Variants in PLD4 observed in about 807,000 individuals in gnomAD.
The protein encoded by PLD4 is 5'-3' exonuclease PLD4.
A neutral mutation model predicts 52.3 loss-of-function variants in PLD4; 54 were observed. The ratio of observed to expected loss-of-function variants is 1.03; its 90% CI spans 0.83 to 1.30. The LOEUF (loss-of-function observed/expected upper bound fraction) is 1.30, where lower values mean the gene tolerates loss of function less well. PLD4 is among the 50% of genes most tolerant of loss of function. The probability of loss-of-function intolerance (pLI) is 0.00; values close to 1 mark genes in which losing one functional copy is unlikely to be tolerated. For synonymous variants in PLD4, 264 were observed against 286.5 expected (o/e 0.92, Z 0.79); for missense variants, 731 against 671.1 (o/e 1.09, Z -0.99).
At position 104,932,658 on chromosome 14, in the gene PLD4, G is replaced by A. The variant is rs538206554; in HGVS notation, c.1322-107G>A. The stretch of plus-strand genomic sequence containing the variant: ...GCTGGAGTCTGATGACAGTGGAGGG[G>A]CCAGCTGCCAACCGTCCCCAAACCC... On this transcript the variant is annotated intron_variant, in intron 10 of 10. Transcript: ENST00000392593. This position sits in a 1 kb window ranked among gnomAD's most constrained non-coding sequence, Gnocchi z 6.5. 4,771 of 1,186,194 alleles carry A rather than the reference G, an allele frequency of 4.0e-3. 16 individuals are homozygous for A. The highest frequency in any genetic ancestry group is 5.0e-3 in the Non-Finnish European group (4,274 of 859,730). 73.5% of individuals were successfully genotyped at this position (1,186,194 alleles called of 1,614,324 possible). A position where few individuals can be genotyped will look rare whatever the true frequency, so the allele number is the denominator to read the frequency against.
Position 104,928,649 on chromosome 14 carries a change from G to C in PLD4, c.285-100G>C, listed in dbSNP as rs898413209. The C allele has an allele frequency of 6.9e-6, 9 of 1,302,502 alleles. No homozygotes were observed. The Admixed American group carries it at 1.8e-4, about 27-fold the overall frequency. The allele number at this position is 1,302,502 out of a possible 1,614,324, so 80.7% of individuals were successfully genotyped here. On this transcript the variant is annotated intron_variant, in intron 3 of 10. Coordinates refer to ENST00000392593, the MANE Select transcript of PLD4 (RefSeq NM_138790.5). ...TGGGCTCATCCCGGGGGCCACCTGAGCAACGGTTGCTCTGGCTTGGCAGTG... is the reference window on the plus strand; with the variant it reads ...TGGGCTCATCCCGGGGGCCACCTGACCAACGGTTGCTCTGGCTTGGCAGTG...
In PLD4 at chr14:104,930,813, C is replaced by T. The variant is rs1348593472; in HGVS notation, c.789C>T (p.Thr263=). The change falls in exon 7 of 11, where the codon ACC becomes ACT. Residue 263 remains threonine, a synonymous_variant. Coordinates refer to ENST00000392593, the MANE Select transcript of PLD4 (RefSeq NM_138790.5). The stretch of plus-strand genomic sequence containing the variant: ...AAGACCTGGAGAAGACCTTCCAGAC[C>T]TACTGGGTACTGGGGGTGCCCAAGG... ...LAQDLEKTFQ[T]YWVLGVPKAV... is the part of the protein sequence containing the mutation. 1.3e-5 allele frequency: 21 copies of T among 1,613,448 alleles called. No individual in the cohort carries two copies. The highest frequency in any genetic ancestry group is 1.8e-5 in the Non-Finnish European group (21 of 1,180,034).
rs1048652555 is a variant in PLD4, at chr14:104,930,161, C to G, written c.717+56C>G. 8.1e-6 allele frequency: 13 copies of G among 1,601,488 alleles called. No homozygotes were observed. The African/African-American group carries it at 1.2e-4, about 15-fold the overall frequency. On this transcript the variant is annotated intron_variant, in intron 6 of 10. Transcript: ENST00000392593. ...TGCCTGAAGCGTTTCCCCGCCTGCACTCCTGGGGACTTGGCCTGACATCTC... is the reference window on the plus strand; with the variant it reads ...TGCCTGAAGCGTTTCCCCGCCTGCAGTCCTGGGGACTTGGCCTGACATCTC...
chr14:104,931,971 G>A, intron 8 of PLD4, 41 bp from the exon 9 acceptor site: 2 of 1,536,146 alleles, frequency 1.3e-6, no homozygotes, highest in South Asian at 1.3e-5. Context: ...CCCCTATCGG[G>A]CCCGGCTTGT....
Position 104,932,375 on chromosome 14 carries a change from G to C in PLD4, c.1321+20G>C, listed in dbSNP as rs199965311. ...ACATAGGTGAGCGCGATCAGATCACGGCGGGCGGGCCCCAGGGTGGCCAGG... is the reference window on the plus strand; with the variant it reads ...ACATAGGTGAGCGCGATCAGATCACCGCGGGCGGGCCCCAGGGTGGCCAGG... On this transcript the variant is annotated intron_variant, in intron 10 of 10. Coordinates refer to ENST00000392593, the MANE Select transcript of PLD4 (RefSeq NM_138790.5). This position sits in a 1 kb window ranked among gnomAD's most constrained non-coding sequence, Gnocchi z 6.5. 1 of 1,610,724 alleles carries C rather than the reference G, an allele frequency of 6.2e-7. No individual in the cohort carries two copies. The highest frequency in any genetic ancestry group is 8.5e-7 in the Non-Finnish European group (1 of 1,178,504).
chr14:104,931,839 C>T lies in PLD4; in HGVS notation c.1010C>T (p.Ala337Val). ...GGGAGCGCCCAGGAGTTCATCTATG[C>T]CTCCGTGATGGAGTATTTCCCCACC... is the stretch of plus-strand genomic sequence containing the variant. ...VMGSAQEFIY[A>V]SVMEYFPTTR... The change falls in exon 8 of 11, where the codon GCC (alanine) becomes GTC (valine). Residue 337 changes from alanine (A) to valine (V), a missense_variant. Coordinates refer to ENST00000392593, the MANE Select transcript of PLD4 (RefSeq NM_138790.5). 6.4e-7 allele frequency: 1 copy of T among 1,565,136 alleles called. No homozygotes were observed. Among genetic ancestry groups the T allele is most frequent in the Non-Finnish European group, 8.7e-7 (1 of 1,154,098 alleles).
intron 7 of PLD4, 133 bp downstream of exon 7, chr14:104,931,075 G>A (rs949732219): frequency 9.8e-7 from 1 of 1,022,490 alleles, no homozygotes; most frequent in South Asian, 1.5e-5. Flanking sequence ...CCAGCACCAT[G>A]GGTGGGGCTG....
downstream of PLD4, chr14:104,934,564 A>C (rs1176919738): frequency 2.6e-5 from 4 of 152,298 alleles, no homozygotes; most frequent in East Asian, 7.7e-4. Flanking sequence ...GAGTTCAGGG[A>C]TGGCTCAGCG....
Position 104,931,900 on chromosome 14 carries a change from G to A in PLD4, c.1058+13G>A. 1 of 1,533,646 alleles carries A rather than the reference G, an allele frequency of 6.5e-7. No homozygotes were observed. ...GCCACCCCCCGAGGTAGGTCTGAGT[G>A]GGAGGTGGGCGGCCTGCTCTGCTGA... On this transcript the variant is annotated intron_variant, in intron 8 of 10. Transcript: ENST00000392593.
At position 104,926,390 on chromosome 14, in the gene PLD4, G is replaced by A. The variant is rs1288559557; in HGVS notation, c.1-751G>A. On this transcript the variant is annotated intron_variant, in intron 1 of 10. Transcript: ENST00000392593. ...CTGCTTGCTTTGGGGGTAGGAGTGGGGATGGGAGCCCACATCCCACAGGGC... is the reference window on the plus strand; with the variant it reads ...CTGCTTGCTTTGGGGGTAGGAGTGGAGATGGGAGCCCACATCCCACAGGGC... 6.6e-5 allele frequency among the ~76,000 whole-genome samples: 10 copies of A among 152,312 alleles called. No homozygotes were observed. The East Asian group carries it at 1.9e-3, about 29-fold the overall frequency.
At chr14:104,937,529 TG>T (rs1381236923), downstream of PLD4, 1 of 149,454 alleles carries the variant, frequency 6.7e-6, no homozygotes, top group African/African-American at 2.6e-5. Context: ...TCTTGAAACT[TG>T]CCATTAGTGA....
rs368089699 is a variant in PLD4, at chr14:104,931,640, C to T, written c.919-108C>T. On this transcript the variant is annotated intron_variant, in intron 7 of 10. Transcript: ENST00000392593. ...TTCCTCATATTTCCAGGCACCTGGG[C>T]CCCCTCCCTCCACACCACATGGGGC... 5.7e-6 allele frequency: 8 copies of T among 1,401,188 alleles called. No individual in the cohort carries two copies. In the African/African-American group the frequency reaches 8.9e-5, roughly 16 times the overall value. The allele number at this position is 1,401,188 out of a possible 1,614,324, so 86.8% of individuals were successfully genotyped here.
chr14:104,927,327 G>A, intron 2 of PLD4, 97 bp downstream of exon 2: 1 of 1,100,900 alleles, frequency 9.1e-7, no homozygotes, highest in Middle Eastern at 2.1e-4. Context: ...CCTTGAGGGG[G>A]CCTCCAAGCA....
Position 104,932,789 on chromosome 14 carries a change from AC to A in PLD4, c.1347del (p.Phe450SerfsTer112), listed in dbSNP as rs1897699900. 1 of 1,593,044 alleles carries A rather than the reference AC, an allele frequency of 6.3e-7. No individual in the cohort carries two copies. The highest frequency in any genetic ancestry group is 1.1e-5 in the South Asian group (1 of 88,754). On this transcript the variant is annotated frameshift_variant, in exon 11 of 11. Transcript: ENST00000392593. LOFTEE classifies it low-confidence loss of function (END_TRUNC). This position sits in a 1 kb window ranked among gnomAD's most constrained non-coding sequence, Gnocchi z 6.5. ...YIGTSNWSED[Y>X]FSSTAGVGLV... The stretch of plus-strand genomic sequence containing the variant: ...GGCACCTCCAACTGGTCGGAGGATT[AC>A]TTCAGCAGCACGGCGGGGGTGGGCT...
chr14:104,932,085 G>T lies in PLD4; in HGVS notation c.1132G>T (p.Gly378Cys), dbSNP rs1897669201. 1 of 1,610,028 alleles carries T rather than the reference G, an allele frequency of 6.2e-7. No homozygotes were observed. Residue 378 changes from glycine (G) to cysteine (C), a missense_variant, in exon 9 of 11, where the codon GGC becomes TGC. Physicochemically the swap from Gly to Cys is radical, Grantham distance 159 (BLOSUM62 -3). Coordinates refer to ENST00000392593, the MANE Select transcript of PLD4 (RefSeq NM_138790.5). This position sits in a 1 kb window ranked among gnomAD's most constrained non-coding sequence, Gnocchi z 6.5. ...GKGVRVRLLVGCGLNTDPTMF... is the reference protein window; with the variant it reads ...GKGVRVRLLVCCGLNTDPTMF... ...GGGCGTGCGCGTGCGCCTGCTGGTC[G>T]GCTGCGGACTCAACACGGACCCCAC...
rs913774427 is a variant in PLD4, at chr14:104,932,855, C to T, written c.1412C>T (p.Ala471Val). The change falls in exon 11 of 11, where the codon GCC (alanine) becomes GTC (valine). Residue 471 changes from alanine (A) to valine (V), a missense_variant. By Grantham distance (64) the Ala-to-Val change is moderately conservative. Coordinates refer to ENST00000392593, the MANE Select transcript of PLD4 (RefSeq NM_138790.5). The surrounding 1 kb of genome is among the most constrained non-coding windows in gnomAD (Gnocchi z 6.5). The stretch of plus-strand genomic sequence containing the variant: ...AGCCCTGGCGCGCAGCCCGCGGGGG[C>T]CACGGTGCAGGAGCAGCTGCGGCAG... Reference protein sequence around the residue: ...TQSPGAQPAGATVQEQLRQLF... With the variant: ...TQSPGAQPAGVTVQEQLRQLF... 1 of 1,604,736 alleles carries T rather than the reference C, an allele frequency of 6.2e-7. No individual in the cohort carries two copies. The highest frequency in any genetic ancestry group is 8.5e-7 in the Non-Finnish European group (1 of 1,176,426).
intron 8 of PLD4, 61 bp from the exon 9 acceptor site, chr14:104,931,951 C>A (rs1897659912): frequency 2.0e-6 from 3 of 1,525,292 alleles, no homozygotes; most frequent in Non-Finnish European, 1.8e-6. Flanking sequence ...CACGTCCCCT[C>A]CTGCTGGGAC....
At position 104,927,853 on chromosome 14, in the gene PLD4, AG is replaced by A. The variant is rs772388035; in HGVS notation, c.274del (p.Asp92ThrfsTer146). ...CCTGGAAGCAGAGGCCAGGCAGCAGAGGGACTCCTGCCAGTAAGTGAGCCCA... is the reference window on the plus strand; with the variant it reads ...CCTGGAAGCAGAGGCCAGGCAGCAGAGGACTCCTGCCAGTAAGTGAGCCCA... ...EPLEAEARQQRDSCQLVLVES... is the reference protein window; with the variant it reads ...EPLEAEARQQXDSCQLVLVES... On this transcript the variant is annotated frameshift_variant, in exon 3 of 11. Transcript: ENST00000392593. LOFTEE classifies it high-confidence loss of function. The A allele has an allele frequency of 6.3e-7, 1 of 1,576,040 alleles. No individual in the cohort carries two copies. Among genetic ancestry groups the A allele is most frequent in the Non-Finnish European group, 8.6e-7 (1 of 1,164,640 alleles).
chr14:104,931,399 C>T (rs1482093839), intron 7 of PLD4, among the ~76,000 whole-genome samples: 1 of 151,918 alleles, frequency 6.6e-6, no homozygotes, highest in Non-Finnish European at 1.5e-5. Flanking sequence ...AGCCGAGGGA[C>T]TGGTCTGTAG....
Sources: gnomAD v4.1 joint callset for allele counts (sites outside exome capture counted in the v4.1 genomes callset) on GRCh38, gnomAD v4.1.1 for gene constraint, Gnocchi (gnomAD v3.1) non-coding constraint, MANE v1.5 for transcripts, NCBI Gene and HGNC (gene_info 2026-07-23, HGNC 2026-07-21) for gene names.